The following PSME4 variants were observed in gnomAD, a reference collection of about 807,000 sequenced individuals.
The protein encoded by PSME4 is proteasome activator complex subunit 4.
A neutral mutation model predicts 253.9 loss-of-function variants in PSME4; 89 were observed. That is an observed-to-expected ratio of 0.35 (90% CI 0.30 to 0.42). The LOEUF is 0.42. Among genes scored for constraint, PSME4 ranks in the 10% least tolerant of loss-of-function variants. PSME4 has a pLI of 1.00. For synonymous variants in PSME4, 851 were observed against 759.2 expected, an observed-to-expected ratio of 1.12 and a Z score of -1.99; for missense variants, 2,014 against 2,195.2, an observed-to-expected ratio of 0.92 and a Z score of 1.65.
At chr2:53,957,216 G>T (rs548873115) in intron 1 of PSME4, among the ~76,000 whole-genome samples, 2 of 152,142 alleles carry the variant, frequency 1.3e-5, no homozygotes, top group African/African-American at 4.8e-5. Context: ...AGAAAGGACC[G>T]GTTTTGTGGA....
chr2:53,868,518 T>G (rs1308636832), intron 44 of PSME4, among the ~76,000 whole-genome samples: 1 of 59,502 alleles, frequency 1.7e-5, no homozygotes, highest in Non-Finnish European at 3.6e-5. Flanking sequence ...TAAAATATAT[T>G]TATAATATAT....
rs756355432 is a variant in PSME4, at chr2:53,893,604, A to G, written c.4038+70T>C. 2.7e-4 allele frequency: 427 copies of G among 1,570,812 alleles called. 1 individual carries two copies. Among genetic ancestry groups the G allele is most frequent in the South Asian group, 4.5e-4 (38 of 84,790 alleles). ...GATGGCTAGCTTTGATCAAATATTT[A>G]TAAGTTATGAACCTACGAACTGAAT... On this transcript the variant is annotated intron_variant, in intron 35 of 46. Coordinates refer to ENST00000404125, the MANE Select transcript of PSME4 (RefSeq NM_014614.3).
intron 41 of PSME4, among the ~76,000 whole-genome samples, chr2:53,877,726 A>G (rs992029786): frequency 6.6e-6 from 1 of 152,174 alleles, no homozygotes; most frequent in Non-Finnish European, 1.5e-5. Flanking sequence ...ACAGAGCCCA[A>G]GGTTGAGATC....
chr2:53,865,945 A>G lies in PSME4; in HGVS notation c.*4+140T>C, dbSNP rs181885016. 6.8e-4 allele frequency: 616 copies of G among 905,460 alleles called. 4 individuals are homozygous for G. In the African/African-American group the frequency reaches 1.0e-2, roughly 15 times the overall value. The allele number at this position is 905,460 out of a possible 1,614,324, so 56.1% of individuals were successfully genotyped here. On this transcript the variant is annotated intron_variant, in intron 46 of 46. Transcript: ENST00000404125. The stretch of plus-strand genomic sequence containing the variant: ...ATTTCCAATGGCCGTAGCAAAAGCC[A>G]TGTTTAAAAACAAACAATCCCCGCC...
chr2:53,921,776 G>A (rs1413716071), intron 17 of PSME4, among the ~76,000 whole-genome samples: 1 of 141,246 alleles, frequency 7.1e-6, no homozygotes, highest in East Asian at 2.2e-4. Flanking sequence ...GCTGAGGCAG[G>A]AGAATGGCGT....
chr2:53,935,596 G>C (rs975472743), intron 7 of PSME4, among the ~76,000 whole-genome samples: 2 of 152,046 alleles, frequency 1.3e-5, no homozygotes, highest in East Asian at 3.9e-4. Context: ...AACCAAATAC[G>C]GTACACAAAA....
In PSME4 at chr2:53,940,958, TATATATA is replaced by T. The variant is rs1558413793; in HGVS notation, c.501-965_501-959del. Among the ~76,000 whole-genome samples, 338 of 49,594 alleles carry T rather than the reference TATATATA, an allele frequency of 6.8e-3. 31 individuals carry two copies. Among genetic ancestry groups the T allele is most frequent in the African/African-American group, 0.016 (267 of 17,012 alleles). 32.5% of individuals were successfully genotyped at this position (49,594 alleles called of 152,430 possible). ...ATATATAAATATATATATACATATATATATATATATATATATATATATATATATATAT... is the reference window on the plus strand; with the variant it reads ...ATATATAAATATATATATACATATATTATATATATATATATATATATATAT... On this transcript the variant is annotated intron_variant, in intron 3 of 46. Transcript: ENST00000404125.
chr2:53,920,410 C>CACATACATATA, intron 18 of PSME4, 60 bp from the exon 19 acceptor site: 1 of 1,441,644 alleles, frequency 6.9e-7, no homozygotes, highest in Non-Finnish European at 9.3e-7. Context: ...ACAACAAACC[C>CACATACATATA]ACATACATAT....
At chr2:53,953,682 C>G (rs1376364325) in intron 1 of PSME4, among the ~76,000 whole-genome samples, 2 of 151,100 alleles carry the variant, frequency 1.3e-5, no homozygotes, top group African/African-American at 4.9e-5. Context: ...TTTTAGACTA[C>G]TCTGGTTTGA....
At chr2:53,899,535 C>T (rs1246966535) in intron 29 of PSME4, among the ~76,000 whole-genome samples, 2 of 152,010 alleles carry the variant, frequency 1.3e-5, no homozygotes, top group East Asian at 1.9e-4. Context: ...AACTTACTAT[C>T]GGCCAGGCGC....
chr2:53,940,119 T>C, intron 3 of PSME4, 119 bp from the exon 4 acceptor site: 1 of 726,198 alleles, frequency 1.4e-6, no homozygotes, highest in Admixed American at 2.8e-5. Context: ...TTACATGTAA[T>C]AATTGAGCCT....
chr2:53,933,400 A>AAAAAAAAAAAAAAAAAAC (rs1668946271), intron 8 of PSME4, among the ~76,000 whole-genome samples: 1 of 137,716 alleles, frequency 7.3e-6, no homozygotes, highest in South Asian at 2.5e-4. Context: ...AAAAAAAAAA[A>AAAAAAAAAAAAAAAAAAC]AAAGCGTTTC....
chr2:53,942,975 C>G (rs1241628971), intron 3 of PSME4, among the ~76,000 whole-genome samples: 1 of 152,152 alleles, frequency 6.6e-6, no homozygotes, highest in Admixed American at 6.5e-5. Context: ...AAGTAAATGT[C>G]AAATACTAAC....
At chr2:53,969,972 C>A (rs1047773213) in intron 1 of PSME4, among the ~76,000 whole-genome samples, 2 of 152,132 alleles carry the variant, frequency 1.3e-5, no homozygotes, top group African/African-American at 4.8e-5. Flanking sequence ...TGACTTTAAA[C>A]GACCCTTTTC....
chr2:53,894,078 T>C (rs1158496991), intron 34 of PSME4, among the ~76,000 whole-genome samples: 1 of 152,130 alleles, frequency 6.6e-6, no homozygotes, highest in Non-Finnish European at 1.5e-5. Context: ...AAATGAAGAC[T>C]GAAAGCCACT....
chr2:53,923,182 C>A, intron 15 of PSME4, 64 bp from the exon 16 acceptor site: 1 of 1,500,514 alleles, frequency 6.7e-7, no homozygotes, highest in South Asian at 1.2e-5. Context: ...ATTATATTTT[C>A]AGTGGCAGTA....
rs760379380 is a variant in PSME4 at position 53,887,415 on chromosome 2, T to C, written c.4573A>G (p.Thr1525Ala). 4 of 1,613,826 alleles carry C rather than the reference T, an allele frequency of 2.5e-6. No individual in the cohort carries two copies. Among genetic ancestry groups the C allele is most frequent in the Non-Finnish European group, 2.5e-6 (3 of 1,179,914 alleles). The change falls in exon 40 of 47, where the codon ACC (threonine) becomes GCC (alanine). Residue 1525 changes from threonine to alanine, a missense_variant. Thr to Ala is a moderately conservative substitution (Grantham distance 58, BLOSUM62 0). This residue lies in a region of PSME4 where 403 missense variants were observed against 556.1 expected (regional missense o/e 0.72). Coordinates refer to ENST00000404125, the MANE Select transcript of PSME4 (RefSeq NM_014614.3). The part of the protein sequence containing the change: ...IDVSLPNTTP[T>A]ISPHVPEFTA... The stretch of plus-strand genomic sequence containing the variant: ...AACTCAGGGACATGAGGCGATATGG[T>C]TGGTGTGGTATTTGGCAAAGATACA...
chr2:53,909,419 C>T lies in PSME4; in HGVS notation c.2573-579G>A, dbSNP rs114837186. 8.9e-3 allele frequency among the ~76,000 whole-genome samples: 1,355 copies of T among 152,128 alleles called. 13 individuals carry two copies. Among genetic ancestry groups the T allele is most frequent in the African/African-American group, 0.031 (1,288 of 41,484 alleles). ...TAAAGTTTTTTTAAATATAGGGTTA[C>T]AATATTCGTATTTACACCAAGTATA... On this transcript the variant is annotated intron_variant, in intron 21 of 46. Transcript: ENST00000404125.
At chr2:53,898,463 C>A in intron 29 of PSME4, 109 bp from the exon 30 acceptor site, 1 of 813,416 alleles carries the variant, frequency 1.2e-6, no homozygotes, top group East Asian at 2.8e-5. Context: ...CCACTTACTT[C>A]CCACCACCTG....
Sources: allele counts gnomAD v4.1 joint callset (sites outside exome capture counted in the v4.1 genomes callset), GRCh38; gene constraint gnomAD v4.1.1; regional missense constraint gnomAD v4.1.1; transcripts MANE v1.5; gene names NCBI Gene and HGNC (gene_info 2026-07-23, HGNC 2026-07-21).